The following BCKDHB variants were observed in gnomAD, a reference collection of about 807,000 sequenced individuals.
BCKDHB encodes branched chain keto acid dehydrogenase E1 subunit beta.
In BCKDHB, 41 loss-of-function variants were observed where a neutral mutation model predicts 48.5. That is an observed-to-expected ratio of 0.85 (90% CI 0.66 to 1.10). The LOEUF is 1.10. Ranked by LOEUF, BCKDHB falls within the 50% of genes least tolerant of loss-of-function variation. BCKDHB has a pLI of 0.00. For synonymous variants in BCKDHB, 201 were observed against 174.8 expected, an observed-to-expected ratio of 1.15 and a Z score of -1.18; for missense variants, 496 against 494.2, an observed-to-expected ratio of 1.00 and a Z score of -0.03.
chr6:80,371,198 G>A, the BCKDHB span, among the ~76,000 whole-genome samples: 1 of 152,016 alleles, frequency 6.6e-6, no homozygotes, highest in African/African-American at 2.4e-5. Flanking sequence ...GGAGTAAGGT[G>A]GTATCACATT....
intron 3 of BCKDHB, among the ~76,000 whole-genome samples, chr6:80,151,357 A>T (rs1771765551): frequency 6.6e-6 from 1 of 152,190 alleles, no homozygotes; most frequent in Non-Finnish European, 1.5e-5. Context: ...GATGTAAGTT[A>T]TGAAAATTAG....
intron 9 of BCKDHB, among the ~76,000 whole-genome samples, chr6:80,307,174 A>G (rs886572502): frequency 6.6e-6 from 1 of 152,182 alleles, no homozygotes; most frequent in Non-Finnish European, 1.5e-5. Context: ...TTAATCATAC[A>G]GACTGCAGTT....
the BCKDHB span, among the ~76,000 whole-genome samples, chr6:80,359,328 C>T: frequency 6.6e-6 from 1 of 152,106 alleles, no homozygotes. Flanking sequence ...GTGTGCCACG[C>T]CAAAAACCTC....
chr6:80,404,912 G>T, the BCKDHB span, among the ~76,000 whole-genome samples: 1 of 151,980 alleles, frequency 6.6e-6, no homozygotes, highest in Admixed American at 6.6e-5. Context: ...AAGATACTTG[G>T]TATAATTTTG....
chr6:80,139,252 T>A (rs1312661742), intron 3 of BCKDHB, among the ~76,000 whole-genome samples: 1 of 152,040 alleles, frequency 6.6e-6, no homozygotes, highest in Non-Finnish European at 1.5e-5. Context: ...ATTTTGTAGG[T>A]TGCCTGTTCA....
the BCKDHB span, among the ~76,000 whole-genome samples, chr6:80,364,714 C>T: frequency 6.6e-6 from 1 of 152,120 alleles, no homozygotes. Flanking sequence ...TAAAAACAGA[C>T]TCATGATAAC....
chr6:80,353,308 C>T, the BCKDHB span, among the ~76,000 whole-genome samples: 8 of 152,078 alleles, frequency 5.3e-5, no homozygotes, highest in East Asian at 1.9e-4. Context: ...TCCAATCATT[C>T]GTTGGTTGAC....
the BCKDHB span, chr6:80,355,386 T>A: frequency 9.2e-6 from 1 of 109,030 alleles, no homozygotes; most frequent in Admixed American, 1.5e-4. Flanking sequence ...GGCAACAGAT[T>A]GAGACTCTGT....
Position 80,344,348 on chromosome 6 carries a change from A to ATTTT in BCKDHB, c.*557_*560dup. The ATTTT allele has an allele frequency of 1.4e-5, 2 of 140,186 alleles. No homozygotes were observed. The highest frequency in any genetic ancestry group is 4.4e-4 in the South Asian group (2 of 4,518). The allele number at this position is 140,186 out of a possible 1,614,324, so 8.7% of individuals were successfully genotyped here. On this transcript the variant is annotated 3_prime_UTR_variant, in exon 10 of 10. Coordinates refer to ENST00000320393, the MANE Select transcript of BCKDHB (RefSeq NM_183050.4). ...AACATATCTAGCATATGTATATGTGATTTTTTTTTTTTTTTTGAGACCGAG... is the reference window on the plus strand; with the variant it reads ...AACATATCTAGCATATGTATATGTGATTTTTTTTTTTTTTTTTTTTGAGACCGAG...
At chr6:80,465,832 T>G in the BCKDHB span, 1 of 152,130 alleles carries the variant, frequency 6.6e-6, no homozygotes, top group African/African-American at 2.4e-5. Context: ...CAAGTACAGT[T>G]TTGCAAATAC....
intron 8 of BCKDHB, among the ~76,000 whole-genome samples, chr6:80,212,495 T>TA (rs1021066655): frequency 1.1e-4 from 16 of 152,224 alleles, no homozygotes; most frequent in African/African-American, 3.6e-4. Context: ...CCTTGTTCCC[T>TA]AAAAATCACT....
At chr6:80,191,478 A>G (rs991119617) in intron 6 of BCKDHB, among the ~76,000 whole-genome samples, 2 of 152,106 alleles carry the variant, frequency 1.3e-5, no homozygotes, top group African/African-American at 4.8e-5. Flanking sequence ...TATTAAATAT[A>G]TACTAATATT....
chr6:80,295,432 A>G (rs1767173902), intron 9 of BCKDHB, among the ~76,000 whole-genome samples: 1 of 152,048 alleles, frequency 6.6e-6, no homozygotes, highest in African/African-American at 2.4e-5. Context: ...AGATCTCATG[A>G]TACTTACTCA....
At chr6:80,148,661 C>A (rs908123928) in intron 3 of BCKDHB, among the ~76,000 whole-genome samples, 2 of 152,118 alleles carry the variant, frequency 1.3e-5, no homozygotes, top group African/African-American at 4.8e-5. Flanking sequence ...GATCATAACA[C>A]TTCTTTGCTT....
rs59529287 is a variant in BCKDHB at position 80,335,245 on chromosome 6, A to AAAAAAAAG, written c.1039-8417_1039-8416insAAAAAGAA. On this transcript the variant is annotated intron_variant, in intron 9 of 9. Transcript: ENST00000320393. ...GAATTTTGTGGGAAAAAAAAAAAAA[A>AAAAAAAAG]AAGAAGAAAAATTGAATGCTTTGTA... Among the ~76,000 whole-genome samples, 7 of 105,774 alleles carry AAAAAAAAG rather than the reference A, an allele frequency of 6.6e-5. 1 individual carries two copies. The highest frequency in any genetic ancestry group is 1.1e-4 in the Non-Finnish European group (5 of 44,948). 69.4% of individuals were successfully genotyped at this position (105,774 alleles called of 152,430 possible). A position where few individuals can be genotyped will look rare whatever the true frequency, so the allele number is the denominator to read the frequency against.
intron 9 of BCKDHB, among the ~76,000 whole-genome samples, chr6:80,285,318 G>A (rs1038247986): frequency 6.6e-6 from 1 of 152,116 alleles, no homozygotes; most frequent in Non-Finnish European, 1.5e-5. Flanking sequence ...CTGCATAAAT[G>A]TTGATAAAAT....
At chr6:80,309,842 C>T (rs1437866201) in intron 9 of BCKDHB, among the ~76,000 whole-genome samples, 1 of 152,172 alleles carries the variant, frequency 6.6e-6, no homozygotes, top group Non-Finnish European at 1.5e-5. Context: ...GCTTTTCCAT[C>T]TTCACCCTCC....
the BCKDHB span, among the ~76,000 whole-genome samples, chr6:80,419,787 G>A: frequency 3.3e-5 from 5 of 152,170 alleles, no homozygotes; most frequent in East Asian, 9.6e-4. Context: ...CTGGTGCACT[G>A]TAGTCCCATG....
chr6:80,260,039 A>G (rs937076521), intron 8 of BCKDHB, among the ~76,000 whole-genome samples: 3 of 152,158 alleles, frequency 2.0e-5, no homozygotes, highest in African/African-American at 4.8e-5. Flanking sequence ...CTTTCATGGT[A>G]TCACCTTTAT....
Sources: allele counts gnomAD v4.1 joint callset (sites outside exome capture counted in the v4.1 genomes callset), GRCh38; gene constraint gnomAD v4.1.1; transcripts MANE v1.5; gene names NCBI Gene and HGNC (gene_info 2026-07-23, HGNC 2026-07-21).